The following F11R variants were observed in gnomAD, a reference collection of about 807,000 sequenced individuals.
F11R encodes the protein F11 receptor.
F11R carries 27 observed loss-of-function variants against 39.3 expected under a neutral mutation model. That is an observed-to-expected ratio of 0.69 (90% CI 0.51 to 0.95). The LOEUF (loss-of-function observed/expected upper bound fraction) is 0.95. Ranked by LOEUF, F11R falls within the 40% of genes least tolerant of loss-of-function variation. The pLI, the probability that F11R is intolerant of heterozygous loss-of-function variation, is 0.00. For synonymous variants in F11R, 131 were observed against 144.9 expected (o/e 0.90, Z 0.69); for missense variants, 335 against 372.7 (o/e 0.90, Z 0.83).
intron 1 of F11R, among the ~76,000 whole-genome samples, chr1:161,006,250 C>T (rs754212173): frequency 8.5e-5 from 13 of 152,230 alleles, no homozygotes; most frequent in Non-Finnish European, 1.5e-4. Context: ...CTCTGTCCAA[C>T]TTTGCTTCCT....
In F11R at chr1:161,021,131, C is replaced by A. The variant is rs1269145880; in HGVS notation, c.-58G>T. The A allele has an allele frequency of 2.7e-6, 4 of 1,503,356 alleles. No homozygotes were observed. The highest frequency in any genetic ancestry group is 2.8e-5 in the African/African-American group (2 of 72,080). 93.1% of individuals were successfully genotyped at this position (1,503,356 alleles called of 1,614,324 possible). A position where few individuals can be genotyped will look rare whatever the true frequency, so the allele number is the denominator to read the frequency against. On this transcript the variant is annotated 5_prime_UTR_variant, in exon 1 of 10. Transcript: ENST00000368026. Reference sequence around the variant, plus strand: ...AGGACTCCTGGGAACAGACACAGCTCCGCGACTACAGCGAGGGGACTGAGA... The same window carrying A: ...AGGACTCCTGGGAACAGACACAGCTACGCGACTACAGCGAGGGGACTGAGA...
In F11R at chr1:161,001,139, G is replaced by A. The variant is rs755223125; in HGVS notation, c.134-12C>T. ...GGACAACTTCACAGCTGCAGACAGGGTCAAAATGAGCCGAAGGAAGAAGCA... is the reference window on the plus strand; with the variant it reads ...GGACAACTTCACAGCTGCAGACAGGATCAAAATGAGCCGAAGGAAGAAGCA... On this transcript the variant is annotated splice_polypyrimidine_tract_variant and intron_variant, in intron 2 of 9. Transcript: ENST00000368026. 3 of 1,612,346 alleles carry A rather than the reference G, an allele frequency of 1.9e-6. No individual in the cohort carries two copies. The highest frequency in any genetic ancestry group is 1.1e-5 in the South Asian group (1 of 91,032).
chr1:161,002,925 C>CTTGT lies in F11R; in HGVS notation c.65-1573_65-1572insACAA, dbSNP rs1553210127. On this transcript the variant is annotated intron_variant, in intron 1 of 9. Transcript: ENST00000368026. ...TAAAGATATAGGTTACTCCTATATC[C>CTTGT]TTTTTCTCTTATTATACTCTCTATT... Among the ~76,000 whole-genome samples the CTTGT allele has an allele frequency of 7.9e-4, 117 of 148,248 alleles. 1 individual carries two copies. The highest frequency in any genetic ancestry group is 2.8e-3 in the African/African-American group (112 of 40,298).
intron 1 of F11R, among the ~76,000 whole-genome samples, chr1:161,014,045 G>C (rs1436374059): frequency 6.6e-6 from 1 of 152,188 alleles, no homozygotes; most frequent in East Asian, 1.9e-4. Context: ...TCAATGCCAG[G>C]AAAACCCTAG....
intron 1 of F11R, among the ~76,000 whole-genome samples, chr1:161,002,956 GT>G (rs35780690): frequency 0.26 from 33,946 of 132,182 alleles, 4,935 homozygotes; most frequent in East Asian, 0.48. Flanking sequence ...CTATTTATTT[GT>G]TTTTTTTTTT....
At chr1:161,011,079 C>T (rs1649131040) in intron 1 of F11R, among the ~76,000 whole-genome samples, 1 of 148,892 alleles carries the variant, frequency 6.7e-6, no homozygotes, top group African/African-American at 2.5e-5. Flanking sequence ...GTCGCCCAGG[C>T]TGGAGTGCAG....
Position 161,001,275 on chromosome 1 carries a change from C to T in F11R, c.133+10G>A, listed in dbSNP as rs1160095941. The T allele has an allele frequency of 3.7e-6, 6 of 1,613,810 alleles. No homozygotes were observed. In the East Asian group the frequency reaches 1.1e-4, roughly 30 times the overall value. The stretch of plus-strand genomic sequence containing the variant: ...CACCCTCACACCCTCCATGGCCCCT[C>T]CCAACTCACGATTATTCTCAGGAAT... On this transcript the variant is annotated intron_variant, in intron 2 of 9. Coordinates refer to ENST00000368026, the MANE Select transcript of F11R (RefSeq NM_016946.6).
chr1:161,013,357 C>A (rs1213480433), intron 1 of F11R, among the ~76,000 whole-genome samples: 2 of 152,162 alleles, frequency 1.3e-5, no homozygotes, highest in Non-Finnish European at 2.9e-5. Context: ...TTCATGTTTT[C>A]CCCCTAATCT....
rs201315551 is a variant in F11R, at chr1:161,000,383, G to C, written c.389-35C>G. ...AGAAAGACAGAAGGTGCTGAGTACA[G>C]GGTGGGGGCTGCTTGAGTCTAAGTA... is the stretch of plus-strand genomic sequence containing the variant. On this transcript the variant is annotated intron_variant, in intron 4 of 9. Coordinates refer to ENST00000368026, the MANE Select transcript of F11R (RefSeq NM_016946.6). The C allele has an allele frequency of 1.1e-3, 1,734 of 1,602,150 alleles. 3 individuals are homozygous for C. Among genetic ancestry groups the C allele is most frequent in the Admixed American group, 1.9e-3 (116 of 59,894 alleles).
intron 3 of F11R, 41 bp downstream of exon 3, chr1:161,000,979 T>C (rs770508859): frequency 5.7e-6 from 9 of 1,572,604 alleles, no homozygotes; most frequent in Non-Finnish European, 7.9e-6. Context: ...TGATAATCCC[T>C]CCACAACCTA....
At chr1:161,014,912 A>C (rs1649366727) in intron 1 of F11R, among the ~76,000 whole-genome samples, 1 of 68,190 alleles carries the variant, frequency 1.5e-5, no homozygotes, top group African/African-American at 6.0e-5. Context: ...TACTAAAAAT[A>C]CAAAAAAAAA....
At chr1:161,000,085 C>T in intron 5 of F11R, 61 bp downstream of exon 5, 2 of 1,604,112 alleles carry the variant, frequency 1.2e-6, no homozygotes, top group Non-Finnish European at 1.7e-6. Flanking sequence ...TTCTTCCTCC[C>T]ACCTTTTGGG....
chr1:161,007,118 C>T (rs1648862745), intron 1 of F11R, among the ~76,000 whole-genome samples: 1 of 148,224 alleles, frequency 6.7e-6, no homozygotes, highest in Non-Finnish European at 1.5e-5. Context: ...TTGCAGTGAG[C>T]TGAGATCGTG....
rs776220267 is a variant in F11R, at chr1:161,000,655, C to T, written c.364G>A (p.Val122Ile). 4.3e-6 allele frequency: 7 copies of T among 1,614,014 alleles called. No individual in the cohort carries two copies. Among genetic ancestry groups the T allele is most frequent in the Non-Finnish European group, 5.9e-6 (7 of 1,180,034 alleles). Reference protein sequence around the residue: ...SEEGGNSYGEVKVKLIVLVPP... With the variant: ...SEEGGNSYGEIKVKLIVLVPP... Reference sequence around the variant, plus strand: ...CCAAGCACGATGAGCTTGACCTTGACCTCCCCATAGCTGTTGCCGCCTTCC... The same window carrying T: ...CCAAGCACGATGAGCTTGACCTTGATCTCCCCATAGCTGTTGCCGCCTTCC... The change falls in exon 4 of 10, where the codon GTC (valine) becomes ATC (isoleucine). Residue 122 changes from valine (V) to isoleucine (I), a missense_variant. Physicochemically the swap from Val to Ile is conservative, Grantham distance 29. Transcript: ENST00000368026.
At chr1:161,003,084 G>A (rs1648585941) in intron 1 of F11R, among the ~76,000 whole-genome samples, 1 of 149,028 alleles carries the variant, frequency 6.7e-6, no homozygotes, top group Admixed American at 6.7e-5. Context: ...CAAACAGCTG[G>A]GATTACAGGC....
At chr1:161,000,976 C>T (rs1648446125) in intron 3 of F11R, 44 bp downstream of exon 3, 1 of 1,551,288 alleles carries the variant, frequency 6.4e-7, no homozygotes, top group South Asian at 1.1e-5. Flanking sequence ...GCATGATAAT[C>T]CCTCCACAAC....
Position 160,998,912 on chromosome 1 carries a change from G to A in F11R, c.865-6C>T. The A allele has an allele frequency of 6.2e-7, 1 of 1,614,154 alleles. No homozygotes were observed. The highest frequency in any genetic ancestry group is 8.5e-7 in the Non-Finnish European group (1 of 1,179,980). ...GAGGTCTGTTTGAATTCTCCCTGCA[G>A]AAATAAAACATCCAGTCAACTCTCA... On this transcript the variant is annotated splice_region_variant and splice_polypyrimidine_tract_variant and intron_variant, in intron 9 of 9. Transcript: ENST00000368026.
chr1:161,000,887 G>T (rs1557889778), intron 3 of F11R, 110 bp from the exon 4 acceptor site: 1 of 1,498,888 alleles, frequency 6.7e-7, no homozygotes, highest in Non-Finnish European at 9.2e-7. Context: ...CCCAGAAAGG[G>T]GGGTAGGAAG....
Position 161,000,981 on chromosome 1 carries a change from C to T in F11R, c.241+39G>A, listed in dbSNP as rs1035747533. The T allele has an allele frequency of 4.4e-6, 7 of 1,576,674 alleles. No individual in the cohort carries two copies. In the African/African-American group the frequency reaches 6.7e-5, roughly 15 times the overall value. ...TAGAATCCAGGCATGATAATCCCTC[C>T]ACAACCTAGGCAATCAGGAAGGAGG... On this transcript the variant is annotated intron_variant, in intron 3 of 9. Coordinates refer to ENST00000368026, the MANE Select transcript of F11R (RefSeq NM_016946.6).
Sources: allele counts gnomAD v4.1 joint callset (sites outside exome capture counted in the v4.1 genomes callset), GRCh38; gene constraint gnomAD v4.1.1; transcripts MANE v1.5; gene names NCBI Gene and HGNC (gene_info 2026-07-23, HGNC 2026-07-21).